Variants in HS3ST2 observed in about 807,000 individuals in gnomAD.
HS3ST2 encodes the protein heparan sulfate-glucosamine 3-sulfotransferase 2.
In HS3ST2, 17 loss-of-function variants were observed where a neutral mutation model predicts 26.3. That is an observed-to-expected ratio of 0.65 (90% CI 0.44 to 0.97). HS3ST2 has a LOEUF of 0.97. Ranked by LOEUF, HS3ST2 falls within the 50% of genes least tolerant of loss-of-function variation. HS3ST2 has a pLI of 0.00. For missense variants in HS3ST2, 402 were observed against 501.2 expected, an observed-to-expected ratio of 0.80 and a Z score of 1.89; for synonymous variants, 237 against 219.2, an observed-to-expected ratio of 1.08 and a Z score of -0.72.
chr16:22,867,419 A>G (rs575203058), intron 1 of HS3ST2, among the ~76,000 whole-genome samples: 1 of 152,374 alleles, frequency 6.6e-6, no homozygotes, highest in Admixed American at 6.5e-5. Context: ...TTAGAAAATC[A>G]CAAAGGCAAA....
At chr16:22,876,708 T>C (rs1012843550) in intron 1 of HS3ST2, among the ~76,000 whole-genome samples, 1 of 152,068 alleles carries the variant, frequency 6.6e-6, no homozygotes, top group African/African-American at 2.4e-5. Context: ...AATTTGCAAT[T>C]GAAAAAATAT....
intron 1 of HS3ST2, among the ~76,000 whole-genome samples, chr16:22,905,196 A>G (rs900679160): frequency 1.3e-5 from 2 of 152,192 alleles, no homozygotes; most frequent in Non-Finnish European, 2.9e-5. Flanking sequence ...CTTCCAGAGA[A>G]TCCTATCAGT....
At chr16:22,828,462 G>A (rs908943155) in intron 1 of HS3ST2, among the ~76,000 whole-genome samples, 1 of 152,184 alleles carries the variant, frequency 6.6e-6, no homozygotes, top group South Asian at 2.1e-4. Context: ...AATTGAACAT[G>A]ATAACACCTT....
Position 22,814,757 on chromosome 16 carries a change from C to T in HS3ST2, c.147C>T (p.Leu49=). The T allele has an allele frequency of 6.2e-7, 1 of 1,606,028 alleles. No individual in the cohort carries two copies. Among genetic ancestry groups the T allele is most frequent in the Non-Finnish European group, 8.5e-7 (1 of 1,177,438 alleles). Residue 49 remains leucine (L), a synonymous_variant, in exon 1 of 2, where the codon CTC becomes CTT. Transcript: ENST00000261374. The stretch of plus-strand genomic sequence containing the variant: ...GCGACGACCTGGGTCGGAGCCGCCT[C>T]CTCGGCGCGCCTCGCTGCCTCCGCG... ...CCCDDLGRSR[L]LGAPRCLRGP...
At chr16:22,870,328 C>T (rs1901817195) in intron 1 of HS3ST2, among the ~76,000 whole-genome samples, 1 of 152,176 alleles carries the variant, frequency 6.6e-6, no homozygotes, top group South Asian at 2.1e-4. Flanking sequence ...CGACTGCTCA[C>T]CCACTCTCAG....
intron 1 of HS3ST2, among the ~76,000 whole-genome samples, chr16:22,887,099 A>G (rs533059419): frequency 2.0e-5 from 3 of 152,206 alleles, no homozygotes; most frequent in Admixed American, 2.0e-4. Context: ...AGTCCCTAGC[A>G]GTTCTAGTGA....
chr16:22,906,795 T>C (rs1902361873), intron 1 of HS3ST2, among the ~76,000 whole-genome samples: 1 of 152,172 alleles, frequency 6.6e-6, no homozygotes, highest in African/African-American at 2.4e-5. Context: ...CACTGACAAC[T>C]TCTGAGGACT....
At chr16:22,849,347 CA>C (rs1322220883) in intron 1 of HS3ST2, among the ~76,000 whole-genome samples, 3 of 152,086 alleles carry the variant, frequency 2.0e-5, no homozygotes, top group Non-Finnish European at 4.4e-5. Flanking sequence ...AAATTAAGGG[CA>C]AACAAACCTC....
chr16:22,849,677 G>A (rs1295203588), intron 1 of HS3ST2, among the ~76,000 whole-genome samples: 3 of 152,132 alleles, frequency 2.0e-5, no homozygotes, highest in Non-Finnish European at 2.9e-5. Flanking sequence ...AGTAAATTGC[G>A]CACTTGTTCT....
intron 1 of HS3ST2, among the ~76,000 whole-genome samples, chr16:22,894,169 TTGAC>T (rs751093433): frequency 2.6e-5 from 4 of 152,112 alleles, no homozygotes; most frequent in East Asian, 1.9e-4. Context: ...ACTCGACACT[TTGAC>T]TGGTCAGTTT....
intron 1 of HS3ST2, among the ~76,000 whole-genome samples, chr16:22,821,735 G>A: frequency 6.6e-6 from 1 of 152,260 alleles, no homozygotes; most frequent in Non-Finnish European, 1.5e-5. Context: ...TCTCCTAATG[G>A]GCTGCATGGC....
chr16:22,834,177 A>C (rs1901215870), intron 1 of HS3ST2, among the ~76,000 whole-genome samples: 1 of 152,140 alleles, frequency 6.6e-6, no homozygotes. Context: ...ATATTCCTTG[A>C]AAAATTAAAA....
chr16:22,829,610 A>T (rs959784094), intron 1 of HS3ST2, among the ~76,000 whole-genome samples: 3 of 152,146 alleles, frequency 2.0e-5, no homozygotes, highest in African/African-American at 7.2e-5. Context: ...TGTGGGCTGG[A>T]TGGGACCTAC....
At chr16:22,875,124 T>A (rs911283317) in intron 1 of HS3ST2, among the ~76,000 whole-genome samples, 2 of 152,116 alleles carry the variant, frequency 1.3e-5, no homozygotes, top group African/African-American at 4.8e-5. Context: ...TGTGTTTGTG[T>A]CTTAATTTTT....
chr16:22,844,037 G>GCACA (rs746139543), intron 1 of HS3ST2, among the ~76,000 whole-genome samples: 1 of 132,446 alleles, frequency 7.6e-6, no homozygotes, highest in African/African-American at 2.8e-5. Context: ...ACACACACAC[G>GCACA]CACACACACA....
intron 1 of HS3ST2, among the ~76,000 whole-genome samples, chr16:22,913,183 G>A (rs1395265799): frequency 7.4e-6 from 1 of 134,556 alleles, no homozygotes; most frequent in African/African-American, 3.1e-5. Flanking sequence ...AGGGAGGGAG[G>A]GCGGAAGGAA....
chr16:22,824,557 A>AGC (rs5816191), intron 1 of HS3ST2, among the ~76,000 whole-genome samples: 5 of 147,676 alleles, frequency 3.4e-5, no homozygotes, highest in African/African-American at 5.0e-5. Flanking sequence ...AAAGCAAGCA[A>AGC]ACAAACAAAC....
rs1900922160 is a variant in HS3ST2 at position 22,818,790 on chromosome 16, CTCCCTCCCTCCCTTCCTTCCTTCCTTCCT to C, written c.485+3699_485+3727del. Among the ~76,000 whole-genome samples the C allele has an allele frequency of 7.3e-3, 139 of 19,142 alleles. 7 individuals carry two copies. The highest frequency in any genetic ancestry group is 0.012 in the South Asian group (4 of 346). The allele number at this position is 19,142 out of a possible 152,430, so 12.6% of individuals were successfully genotyped here. Reference sequence around the variant, plus strand: ...CTTCCTTCCCTCCTTCCTTCCTTCCCTCCCTCCCTCCCTTCCTTCCTTCCTTCCTTCCTTCCTTCCTTCCCTCCTTCCTT... The same window carrying C: ...CTTCCTTCCCTCCTTCCTTCCTTCCCTCCTTCCTTCCTTCCCTCCTTCCTT... On this transcript the variant is annotated intron_variant, in intron 1 of 1. Coordinates refer to ENST00000261374, the MANE Select transcript of HS3ST2 (RefSeq NM_006043.2).
chr16:22,884,660 A>ATATATATATATATATAT (rs1426360041), intron 1 of HS3ST2, among the ~76,000 whole-genome samples: 14 of 136,084 alleles, frequency 1.0e-4, no homozygotes, highest in Admixed American at 7.6e-4. Context: ...AGAGAAAAAA[A>ATATATATATATATATAT]TATATATATA....
Sources: gnomAD v4.1 joint callset for allele counts (sites outside exome capture counted in the v4.1 genomes callset) on GRCh38, gnomAD v4.1.1 for gene constraint, MANE v1.5 for transcripts, NCBI Gene and HGNC (gene_info 2026-07-23, HGNC 2026-07-21) for gene names.